The following SCFD2 variants were observed in gnomAD, a reference collection of about 807,000 sequenced individuals.
SCFD2 encodes the protein sec1 family domain-containing protein 2.
A neutral mutation model predicts 58.9 loss-of-function variants in SCFD2; 54 were observed. The observed-to-expected ratio is 0.92, with a 90% CI of 0.74 to 1.15. The LOEUF (loss-of-function observed/expected upper bound fraction) is 1.15. Among genes scored for constraint, SCFD2 ranks in the 50% most tolerant of loss-of-function variants. The probability of loss-of-function intolerance (pLI) is 0.00; values close to 1 mark genes in which losing one functional copy is unlikely to be tolerated. For synonymous variants in SCFD2, 321 were observed against 335.9 expected, an observed-to-expected ratio of 0.96 and a Z score of 0.49; for missense variants, 805 against 836.6, an observed-to-expected ratio of 0.96 and a Z score of 0.47.
intron 5 of SCFD2, among the ~76,000 whole-genome samples, chr4:53,139,224 T>A (rs1288075446): frequency 6.6e-6 from 1 of 152,074 alleles, no homozygotes; most frequent in East Asian, 1.9e-4. Flanking sequence ...GGCTACAACC[T>A]CCACCTCCCA....
chr4:53,366,042 A>T lies in SCFD2; in HGVS notation c.-101T>A. 3.7e-6 allele frequency: 5 copies of T among 1,362,876 alleles called. No homozygotes were observed. Among genetic ancestry groups the T allele is most frequent in the African/African-American group, 2.9e-5 (2 of 69,084 alleles). 84.4% of individuals were successfully genotyped at this position (1,362,876 alleles called of 1,614,324 possible). A position where few individuals can be genotyped will look rare whatever the true frequency, so the allele number is the denominator to read the frequency against. ...TCCGGGAGACTTTGACAGTCTCCACAGTACACGTGGTCGGCCTCTGACACG... is the reference window on the plus strand; with the variant it reads ...TCCGGGAGACTTTGACAGTCTCCACTGTACACGTGGTCGGCCTCTGACACG... On this transcript the variant is annotated 5_prime_UTR_variant, in exon 1 of 9. Transcript: ENST00000401642.
chr4:53,113,577 G>A (rs1725232560), intron 5 of SCFD2, among the ~76,000 whole-genome samples: 2 of 152,152 alleles, frequency 1.3e-5, no homozygotes, highest in Admixed American at 6.6e-5. Context: ...CCACTAGAAT[G>A]TTCTCCTAAC....
rs148135716 is a variant in SCFD2 at position 53,313,636 on chromosome 4, C to T, written c.1135G>A (p.Gly379Arg). The change falls in exon 3 of 9, where the codon GGG becomes AGG. Residue 379 changes from glycine to arginine, a missense_variant and splice_region_variant. Gly to Arg is a moderately radical substitution (Grantham distance 125, BLOSUM62 -2). This residue lies in a region of SCFD2 where 633 missense variants were observed against 646.8 expected (regional missense o/e 0.98). Transcript: ENST00000401642. The stretch of plus-strand genomic sequence containing the variant: ...GCCTGTGTCCTAGGTTTAGGCTTAC[C>T]CATACTCATCTTGATTGGCAGGTTT... ...RENLPIKMSM[G>R]RVTPGQLMSY... 1 of 1,613,796 alleles carries T rather than the reference C, an allele frequency of 6.2e-7. No homozygotes were observed. Among genetic ancestry groups the T allele is most frequent in the Non-Finnish European group, 8.5e-7 (1 of 1,179,820 alleles).
At chr4:53,125,179 G>A (rs189665702) in intron 5 of SCFD2, among the ~76,000 whole-genome samples, 35 of 152,306 alleles carry the variant, frequency 2.3e-4, no homozygotes, top group Non-Finnish European at 4.0e-4. Flanking sequence ...CTTAAAGAAT[G>A]AGTGGGAGTT....
intron 5 of SCFD2, among the ~76,000 whole-genome samples, chr4:53,071,906 A>T (rs1021054767): frequency 1.3e-5 from 2 of 152,150 alleles, no homozygotes; most frequent in Non-Finnish European, 2.9e-5. Flanking sequence ...TTTTGATACC[A>T]GATAGTAATA....
chr4:53,150,336 T>A (rs1354024729), intron 4 of SCFD2, among the ~76,000 whole-genome samples: 1 of 152,118 alleles, frequency 6.6e-6, no homozygotes, highest in African/African-American at 2.4e-5. Context: ...AAAGTCTCCA[T>A]CAGTGGCAAA....
At chr4:52,915,875 G>A (rs1279465225) in intron 6 of SCFD2, among the ~76,000 whole-genome samples, 1 of 152,208 alleles carries the variant, frequency 6.6e-6, no homozygotes, top group Non-Finnish European at 1.5e-5. Context: ...AAGAACAACT[G>A]GAGGCCAGGG....
intron 3 of SCFD2, among the ~76,000 whole-genome samples, chr4:53,294,126 TA>T (rs1731939882): frequency 1.3e-5 from 2 of 152,168 alleles, no homozygotes; most frequent in South Asian, 4.1e-4. Flanking sequence ...ATCTTTACAG[TA>T]GAATAATTTA....
chr4:53,067,861 G>A (rs1236357864), intron 5 of SCFD2, among the ~76,000 whole-genome samples: 2 of 152,076 alleles, frequency 1.3e-5, no homozygotes, highest in African/African-American at 4.8e-5. Context: ...GAATCTAGCA[G>A]GTGAATAGTC....
chr4:53,079,042 A>G (rs143501656), intron 5 of SCFD2, among the ~76,000 whole-genome samples: 1 of 152,194 alleles, frequency 6.6e-6, no homozygotes, highest in East Asian at 1.9e-4. Context: ...AGTGGCTCAC[A>G]TAACTATAGA....
chr4:52,974,756 C>T (rs1451492022), intron 5 of SCFD2, among the ~76,000 whole-genome samples: 4 of 152,138 alleles, frequency 2.6e-5, no homozygotes, highest in African/African-American at 9.6e-5. Flanking sequence ...ATCACACTAC[C>T]TGACTTCAAA....
chr4:53,342,234 A>G (rs1733901923), intron 2 of SCFD2, among the ~76,000 whole-genome samples: 2 of 152,210 alleles, frequency 1.3e-5, no homozygotes, highest in African/African-American at 2.4e-5. Context: ...AGAGACACAC[A>G]CAGGCTCAAA....
At chr4:52,973,713 C>T (rs554848554) in intron 5 of SCFD2, among the ~76,000 whole-genome samples, 1 of 152,114 alleles carries the variant, frequency 6.6e-6, no homozygotes, top group South Asian at 2.1e-4. Flanking sequence ...AGAGACACAA[C>T]AAAAAAGAGA....
At chr4:53,151,680 G>A (rs1161387210) in intron 4 of SCFD2, among the ~76,000 whole-genome samples, 1 of 152,196 alleles carries the variant, frequency 6.6e-6, no homozygotes. Flanking sequence ...CTAAGCTTCT[G>A]CTGGAGAACC....
chr4:53,239,848 G>A (rs1411418089), intron 4 of SCFD2, among the ~76,000 whole-genome samples: 9 of 152,054 alleles, frequency 5.9e-5, no homozygotes, highest in Non-Finnish European at 1.3e-4. Context: ...AGACATTCTC[G>A]AGCTATCAGC....
chr4:52,905,416 G>T (rs1719320889), intron 7 of SCFD2, among the ~76,000 whole-genome samples: 1 of 152,218 alleles, frequency 6.6e-6, no homozygotes, highest in Non-Finnish European at 1.5e-5. Flanking sequence ...GCTCTCCTTT[G>T]GGGGCTGGAG....
intron 2 of SCFD2, among the ~76,000 whole-genome samples, chr4:53,317,877 C>T (rs1182852213): frequency 1.3e-5 from 2 of 152,166 alleles, no homozygotes; most frequent in Admixed American, 6.5e-5. Context: ...ACATCTAAAG[C>T]ACCTAGAACA....
rs79583726 is a variant in SCFD2, at chr4:52,885,770, C to G, written c.1939G>C (p.Ala647Pro). Residue 647 changes from alanine to proline, a missense_variant, in exon 8 of 9, where the codon GCA (alanine) becomes CCA (proline). Ala to Pro is a conservative substitution (Grantham distance 27, BLOSUM62 -1). Coordinates refer to ENST00000401642, the MANE Select transcript of SCFD2 (RefSeq NM_152540.4). ...ACCTGGGTTCCTGGCTTCAACGATG[C>G]CACAAGATCTTTGACCATTTTCACT... ...SEVKMVKDLV[A>P]SLKPGTQVIV... 859 of 1,614,016 alleles carry G rather than the reference C, an allele frequency of 5.3e-4. 4 individuals are homozygous for G. The African/African-American group carries it at 9.9e-3, about 19-fold the overall frequency.
chr4:53,251,436 A>G (rs1730375507), intron 4 of SCFD2, among the ~76,000 whole-genome samples: 1 of 152,182 alleles, frequency 6.6e-6, no homozygotes, highest in Non-Finnish European at 1.5e-5. Context: ...ACAAAAAAAG[A>G]GAATTTTAGA....
Sources: gnomAD v4.1 joint callset for allele counts (sites outside exome capture counted in the v4.1 genomes callset) on GRCh38, gnomAD v4.1.1 for gene constraint, gnomAD v4.1.1 regional missense constraint, MANE v1.5 for transcripts, NCBI Gene and HGNC (gene_info 2026-07-23, HGNC 2026-07-21) for gene names.